SNTB2: variants seen among roughly 807,000 people sequenced by gnomAD.
SNTB2 encodes the protein beta-2-syntrophin.
Under a neutral mutation model 46.2 loss-of-function variants are expected in SNTB2, and 34 were observed. That is an observed-to-expected ratio of 0.74 (90% confidence interval 0.56 to 0.98). The LOEUF (loss-of-function observed/expected upper bound fraction) is 0.98. Among genes scored for constraint, SNTB2 ranks in the 50% least tolerant of loss-of-function variants. SNTB2 has a pLI of 0.00. For synonymous variants in SNTB2, 290 were observed against 312.6 expected (o/e 0.93, Z 0.76); for missense variants, 603 against 731.4 (o/e 0.82, Z 2.02).
At chr16:69,231,797 C>T (rs1465440851) in intron 1 of SNTB2, among the ~76,000 whole-genome samples, 1 of 152,132 alleles carries the variant, frequency 6.6e-6, no homozygotes, top group Non-Finnish European at 1.5e-5. Context: ...GTCTTCCTTA[C>T]AAAAACATTT....
Position 69,301,061 on chromosome 16 carries a change from A to G in SNTB2, c.*137A>G. 1 of 604,968 alleles carries G rather than the reference A, an allele frequency of 1.7e-6. No individual in the cohort carries two copies. Among genetic ancestry groups the G allele is most frequent in the Non-Finnish European group, 3.0e-6 (1 of 338,096 alleles). The allele number at this position is 604,968 out of a possible 1,614,324, so 37.5% of individuals were successfully genotyped here. ...AGGACCTGCAAATAACTGCTGAACCATAACCGTGTTTAAAGAAGAGCCTAC... is the reference window on the plus strand; with the variant it reads ...AGGACCTGCAAATAACTGCTGAACCGTAACCGTGTTTAAAGAAGAGCCTAC... On this transcript the variant is annotated 3_prime_UTR_variant, in exon 7 of 7. Coordinates refer to ENST00000336278, the MANE Select transcript of SNTB2 (RefSeq NM_006750.4).
chr16:69,219,897 C>T (rs907871298), intron 1 of SNTB2, among the ~76,000 whole-genome samples: 7 of 151,790 alleles, frequency 4.6e-5, no homozygotes, highest in Admixed American at 6.6e-5. Flanking sequence ...ATTATAGGCA[C>T]GTGCCACCAC....
At chr16:69,230,804 G>GCATGATCTCCGCTCACTGC (rs1964499416) in intron 1 of SNTB2, 1 of 150,666 alleles carries the variant, frequency 6.6e-6, no homozygotes, top group African/African-American at 2.5e-5. Context: ...GAGTGCAGTG[G>GCATGATCTCCGCTCACTGC]CATGATCTCC....
intron 1 of SNTB2, among the ~76,000 whole-genome samples, chr16:69,214,971 G>A (rs972966779): frequency 6.6e-6 from 1 of 151,638 alleles, no homozygotes; most frequent in African/African-American, 2.4e-5. Context: ...AGCCTCCCAG[G>A]TAGCTGGGAT....
rs771708942 is a variant in SNTB2 at position 69,299,763 on chromosome 16, G to A, written c.1519G>A (p.Glu507Lys). The A allele has an allele frequency of 1.3e-5, 21 of 1,613,976 alleles. No individual in the cohort carries two copies. The highest frequency in any genetic ancestry group is 6.7e-5 in the East Asian group (3 of 44,898). Reference protein sequence around the residue: ...RNLYLDFGGPEGELTMDLHSC... With the variant: ...RNLYLDFGGPKGELTMDLHSC... ...TCTATACTTGGATTTTGGTGGTCCCGAGGGAGAACTGGTAAGAGTGTTTCT... is the reference window on the plus strand; with the variant it reads ...TCTATACTTGGATTTTGGTGGTCCCAAGGGAGAACTGGTAAGAGTGTTTCT... Residue 507 changes from glutamate to lysine, a missense_variant, in exon 6 of 7, where the codon GAG (glutamate) becomes AAG (lysine). Physicochemically the swap from Glu to Lys is moderately conservative, Grantham distance 56 (BLOSUM62 1). Coordinates refer to ENST00000336278, the MANE Select transcript of SNTB2 (RefSeq NM_006750.4).
At chr16:69,188,161 T>A (rs1318559230) in intron 1 of SNTB2, among the ~76,000 whole-genome samples, 1 of 151,180 alleles carries the variant, frequency 6.6e-6, no homozygotes, top group East Asian at 1.9e-4. Context: ...AAAAAGTCCA[T>A]CTTCACCGAT....
intron 2 of SNTB2, among the ~76,000 whole-genome samples, chr16:69,256,059 G>A (rs902358140): frequency 1.1e-4 from 16 of 150,704 alleles, no homozygotes; most frequent in Admixed American, 9.3e-4. Context: ...GGTGGCCGGC[G>A]CCTGTAGTCC....
In SNTB2 at chr16:69,284,071, G is replaced by T. The variant is rs756713737; in HGVS notation, c.1172G>T (p.Cys391Phe). Residue 391 changes from cysteine (C) to phenylalanine (F), a missense_variant, in exon 5 of 7, where the codon TGT becomes TTT. This residue lies in a region of SNTB2 where 537 missense variants were observed against 692.4 expected (regional missense o/e 0.78). Transcript: ENST00000336278. ...ATRLVHSGSG[C>F]RSPSLGSDLT... Reference sequence around the variant, plus strand: ...AGGTTGGTTCATTCTGGCTCCGGATGTCGATCCCCCTCCCTTGGATCTGAC... The same window carrying T: ...AGGTTGGTTCATTCTGGCTCCGGATTTCGATCCCCCTCCCTTGGATCTGAC... The T allele has an allele frequency of 6.2e-7, 1 of 1,612,994 alleles. No homozygotes were observed. Among genetic ancestry groups the T allele is most frequent in the Admixed American group, 1.7e-5 (1 of 59,886 alleles).
intron 1 of SNTB2, among the ~76,000 whole-genome samples, chr16:69,233,428 A>G (rs111892145): frequency 2.0e-5 from 3 of 152,316 alleles, no homozygotes; most frequent in African/African-American, 7.2e-5. Context: ...TTGTTGAGAC[A>G]GGAGATCAAG....
chr16:69,259,978 A>T, intron 2 of SNTB2, 72 bp from the exon 3 acceptor site: 1 of 1,019,078 alleles, frequency 9.8e-7, no homozygotes, highest in Non-Finnish European at 1.5e-6. Context: ...ATTTGCAGTT[A>T]TGTATTTTAA....
intron 5 of SNTB2, among the ~76,000 whole-genome samples, chr16:69,290,881 G>A (rs955720883): frequency 6.6e-6 from 1 of 152,142 alleles, no homozygotes; most frequent in South Asian, 2.1e-4. Flanking sequence ...AGAGCCTTAA[G>A]CCCTGAAATT....
intron 1 of SNTB2, among the ~76,000 whole-genome samples, chr16:69,203,830 C>T (rs1233783978): frequency 3.9e-5 from 6 of 152,006 alleles, no homozygotes; most frequent in Admixed American, 6.6e-5. Context: ...TGCAATGGCA[C>T]GATCTCAGCT....
intron 1 of SNTB2, among the ~76,000 whole-genome samples, chr16:69,244,476 T>C (rs1964649792): frequency 6.6e-6 from 1 of 152,226 alleles, no homozygotes; most frequent in African/African-American, 2.4e-5. Context: ...TTTATGTGCA[T>C]GTATTACCTA....
chr16:69,295,044 C>G (rs1469303595), intron 5 of SNTB2, among the ~76,000 whole-genome samples: 1 of 151,896 alleles, frequency 6.6e-6, no homozygotes, highest in Non-Finnish European at 1.5e-5. Context: ...TGATCTCGAA[C>G]TCCTGAGCTC....
chr16:69,203,077 G>GGC (rs1964180041), intron 1 of SNTB2, among the ~76,000 whole-genome samples: 1 of 151,386 alleles, frequency 6.6e-6, no homozygotes, highest in African/African-American at 2.4e-5. Context: ...AGAGCTCAGG[G>GGC]GCGCGATCTC....
At chr16:69,295,204 C>G (rs910576701) in intron 5 of SNTB2, among the ~76,000 whole-genome samples, 2 of 149,994 alleles carry the variant, frequency 1.3e-5, no homozygotes, top group Non-Finnish European at 3.0e-5. Context: ...TGGTAACAAC[C>G]CTGTTAAACA....
At chr16:69,297,727 C>A (rs939426097) in intron 5 of SNTB2, among the ~76,000 whole-genome samples, 1 of 151,998 alleles carries the variant, frequency 6.6e-6, no homozygotes, top group East Asian at 1.9e-4. Context: ...ACCTGGCCAA[C>A]GTGGTGAAAC....
At chr16:69,284,561 C>T (rs1355873141) in intron 5 of SNTB2, among the ~76,000 whole-genome samples, 1 of 149,512 alleles carries the variant, frequency 6.7e-6, no homozygotes, top group Non-Finnish European at 1.5e-5. Flanking sequence ...ATTGCCTGAG[C>T]TCAGGAGTTC....
In SNTB2 at chr16:69,285,026, G is replaced by A. The variant is rs193114920; in HGVS notation, c.1345+782G>A. On this transcript the variant is annotated intron_variant, in intron 5 of 6. Coordinates refer to ENST00000336278, the MANE Select transcript of SNTB2 (RefSeq NM_006750.4). ...CAATAGGCAGTACCATAGAGCTTAGGTGTATAGTGGGGTGTGCCATGTAGG... is the reference window on the plus strand; with the variant it reads ...CAATAGGCAGTACCATAGAGCTTAGATGTATAGTGGGGTGTGCCATGTAGG... Among the ~76,000 whole-genome samples, 11 of 152,340 alleles carry A rather than the reference G, an allele frequency of 7.2e-5. No individual in the cohort carries two copies. In the East Asian group the frequency reaches 1.3e-3, roughly 19 times the overall value.
Sources: allele counts gnomAD v4.1 joint callset (sites outside exome capture counted in the v4.1 genomes callset), GRCh38; gene constraint gnomAD v4.1.1; regional missense constraint gnomAD v4.1.1; transcripts MANE v1.5; gene names NCBI Gene and HGNC (gene_info 2026-07-23, HGNC 2026-07-21).